EAF2: variants seen among roughly 807,000 people sequenced by gnomAD.
EAF2 encodes the protein ELL associated factor 2.
A neutral mutation model predicts 29.4 loss-of-function variants in EAF2; 29 were observed. The observed-to-expected ratio is 0.99, with a 90% CI of 0.73 to 1.35. The LOEUF (loss-of-function observed/expected upper bound fraction) is 1.35, where lower values mean the gene tolerates loss of function less well. Ranked by LOEUF, EAF2 falls within the 40% of genes most tolerant of loss-of-function variation. EAF2 has a pLI of 0.00. For missense variants in EAF2, 292 were observed against 312.0 expected (o/e 0.94, Z 0.48); for synonymous variants, 103 against 102.5 (o/e 1.00, Z -0.03).
intron 4 of EAF2, among the ~76,000 whole-genome samples, chr3:121,863,997 A>T (rs1171516868): frequency 6.6e-6 from 1 of 152,188 alleles, no homozygotes; most frequent in East Asian, 1.9e-4. Context: ...GATATTTAAG[A>T]TGTCACCAAT....
intron 3 of EAF2, among the ~76,000 whole-genome samples, chr3:121,855,771 A>G (rs1385901973): frequency 2.0e-5 from 3 of 152,164 alleles, no homozygotes; most frequent in Non-Finnish European, 4.4e-5. Context: ...CGATGTTGAT[A>G]TTGGGCTAGA....
In EAF2 at chr3:121,835,247, C is replaced by T; in HGVS notation, c.-39C>T. ...TCAGGCTGAGGTGGCAGATAGTGAG[C>T]GCTGGTGGCGGAGTTAAAGTCAAAG... On this transcript the variant is annotated 5_prime_UTR_variant, in exon 1 of 6. Coordinates refer to ENST00000273668, the MANE Select transcript of EAF2 (RefSeq NM_018456.6). 1.9e-6 allele frequency: 3 copies of T among 1,591,788 alleles called. No individual in the cohort carries two copies. The highest frequency in any genetic ancestry group is 3.3e-4 in the Middle Eastern group (2 of 6,022).
intron 5 of EAF2, among the ~76,000 whole-genome samples, chr3:121,883,553 G>A (rs1047830066): frequency 2.6e-4 from 39 of 152,066 alleles, no homozygotes; most frequent in African/African-American, 8.9e-4. Context: ...TATTCCACCC[G>A]ACTTTCAAAA....
intron 5 of EAF2, among the ~76,000 whole-genome samples, chr3:121,878,802 T>G (rs2689274): frequency 6.6e-6 from 1 of 152,260 alleles, no homozygotes; most frequent in Admixed American, 6.5e-5. Context: ...ATGGACACTT[T>G]GGTTGATTCC....
intron 4 of EAF2, among the ~76,000 whole-genome samples, chr3:121,862,605 A>G (rs1576648969): frequency 6.6e-6 from 1 of 152,172 alleles, no homozygotes. Flanking sequence ...CTTCTTTGCG[A>G]TGGGTTCGAA....
intron 2 of EAF2, among the ~76,000 whole-genome samples, chr3:121,847,872 T>G (rs960766946): frequency 6.6e-6 from 1 of 152,130 alleles, no homozygotes; most frequent in African/African-American, 2.4e-5. Context: ...TATTAGTCCA[T>G]CTCTTGGAGC....
intron 4 of EAF2, among the ~76,000 whole-genome samples, chr3:121,858,951 G>T (rs1708775755): frequency 6.6e-6 from 1 of 152,066 alleles, no homozygotes; most frequent in South Asian, 2.1e-4. Context: ...GCTTGTTTTT[G>T]TCAGGTTTGT....
At chr3:121,845,555 A>G (rs1003442811) in intron 2 of EAF2, among the ~76,000 whole-genome samples, 6 of 151,950 alleles carry the variant, frequency 3.9e-5, no homozygotes, top group African/African-American at 1.4e-4. Context: ...TTTATGTTGT[A>G]ATGTAGAATT....
chr3:121,848,109 A>G (rs1212786679), intron 2 of EAF2, among the ~76,000 whole-genome samples: 2 of 152,218 alleles, frequency 1.3e-5, no homozygotes, highest in Admixed American at 1.3e-4. Context: ...TAAAAACTAG[A>G]GCTAGTGAAT....
intron 2 of EAF2, among the ~76,000 whole-genome samples, chr3:121,852,535 G>C (rs1259990129): frequency 2.0e-5 from 3 of 152,006 alleles, no homozygotes; most frequent in Admixed American, 6.6e-5. Context: ...TTAGTCTTTG[G>C]GAGAGGTAAA....
intron 5 of EAF2, among the ~76,000 whole-genome samples, chr3:121,877,801 C>A (rs546254792): frequency 6.6e-6 from 1 of 152,060 alleles, no homozygotes; most frequent in East Asian, 1.9e-4. Flanking sequence ...GATGGAGTCT[C>A]GCTTTGTTTC....
intron 1 of EAF2, among the ~76,000 whole-genome samples, chr3:121,842,711 A>G (rs1425001405): frequency 1.3e-5 from 2 of 152,102 alleles, no homozygotes; most frequent in Non-Finnish European, 2.9e-5. Flanking sequence ...TATCTCTGTG[A>G]TACTTACTCA....
chr3:121,844,695 G>A, intron 2 of EAF2, 148 bp downstream of exon 2: 7 of 445,874 alleles, frequency 1.6e-5, no homozygotes, highest in Non-Finnish European at 2.7e-5. Context: ...AACTACTTTA[G>A]GCAAAAAAAA....
In EAF2 at chr3:121,866,811, G is replaced by A. The variant is rs183176942; in HGVS notation, c.485-5726G>A. Among the ~76,000 whole-genome samples, 481 of 152,242 alleles carry A rather than the reference G, an allele frequency of 3.2e-3. 3 individuals carry two copies. The highest frequency in any genetic ancestry group is 6.8e-3 in the Middle Eastern group (2 of 294). On this transcript the variant is annotated intron_variant, in intron 4 of 5. Transcript: ENST00000273668. ...AATTTGTGATTCAAGAGAATCACGTGAATGAGAAAAGACAATCAACTGACA... is the reference window on the plus strand; with the variant it reads ...AATTTGTGATTCAAGAGAATCACGTAAATGAGAAAAGACAATCAACTGACA...
chr3:121,858,034 G>T (rs1708754834), intron 4 of EAF2, among the ~76,000 whole-genome samples: 2 of 152,178 alleles, frequency 1.3e-5, no homozygotes, highest in Admixed American at 1.3e-4. Flanking sequence ...ATTCCATGGT[G>T]TATATGTGCC....
At chr3:121,885,605 A>G (rs1709269121) in intron 5 of EAF2, among the ~76,000 whole-genome samples, 1 of 152,192 alleles carries the variant, frequency 6.6e-6, no homozygotes, top group African/African-American at 2.4e-5. Context: ...CAGAGAATGC[A>G]ACAAATATGC....
chr3:121,846,619 C>T (rs536452980), intron 2 of EAF2, among the ~76,000 whole-genome samples: 3 of 152,030 alleles, frequency 2.0e-5, no homozygotes, highest in Non-Finnish European at 4.4e-5. Context: ...AAAAAACAAA[C>T]AAACAACAAC....
chr3:121,878,244 TAA>T (rs1410149910), intron 5 of EAF2, among the ~76,000 whole-genome samples: 1 of 151,948 alleles, frequency 6.6e-6, no homozygotes, highest in Non-Finnish European at 1.5e-5. Context: ...GGAAGAAAAT[TAA>T]GTTAAAATTA....
At chr3:121,863,779 C>A (rs1052101126) in intron 4 of EAF2, among the ~76,000 whole-genome samples, 1 of 152,210 alleles carries the variant, frequency 6.6e-6, no homozygotes, top group Middle Eastern at 3.4e-3. Flanking sequence ...CTGCGTGGCT[C>A]ATGGTGGGAG....
Sources: gnomAD v4.1 joint callset for allele counts (sites outside exome capture counted in the v4.1 genomes callset) on GRCh38, gnomAD v4.1.1 for gene constraint, MANE v1.5 for transcripts, NCBI Gene and HGNC (gene_info 2026-07-23, HGNC 2026-07-21) for gene names.